SOX6: variants seen among roughly 807,000 people sequenced by gnomAD.
SOX6 encodes the protein transcription factor SOX-6.
A neutral mutation model predicts 97.8 loss-of-function variants in SOX6; 11 were observed. The observed-to-expected ratio is 0.11, with a 90% confidence interval of 0.07 to 0.19. The LOEUF (loss-of-function observed/expected upper bound fraction) is 0.19, where lower values mean the gene tolerates loss of function less well. SOX6 is among the 10% of genes least tolerant of loss of function. The pLI is 1.00. For missense variants in SOX6, 810 were observed against 1,039.5 expected, an observed-to-expected ratio of 0.78 and a Z score of 3.04; for synonymous variants, 360 against 371.4, an observed-to-expected ratio of 0.97 and a Z score of 0.35.
At chr11:16,103,254 C>A (rs985235043) in intron 7 of SOX6, among the ~76,000 whole-genome samples, 1 of 151,462 alleles carries the variant, frequency 6.6e-6, no homozygotes, top group Non-Finnish European at 1.5e-5. Flanking sequence ...CACAAATGGC[C>A]AATGATCATA....
chr11:16,306,827 T>C (rs1475881318), intron 3 of SOX6, among the ~76,000 whole-genome samples: 1 of 151,970 alleles, frequency 6.6e-6, no homozygotes, highest in Non-Finnish European at 1.5e-5. Context: ...GGTTTCACCA[T>C]GTTGGTCAGG....
At chr11:16,232,515 A>G (rs1852884198) in intron 4 of SOX6, among the ~76,000 whole-genome samples, 2 of 152,054 alleles carry the variant, frequency 1.3e-5, no homozygotes, top group South Asian at 4.1e-4. Flanking sequence ...CACTTTTGTG[A>G]TTTATACATT....
At chr11:16,479,535 A>G (rs1330911084), upstream of SOX6, among the ~76,000 whole-genome samples, 1 of 152,008 alleles carries the variant, frequency 6.6e-6, no homozygotes, top group Non-Finnish European at 1.5e-5. Flanking sequence ...GTCTTAAAAA[A>G]AAAAAAAAAA....
intron 9 of SOX6, among the ~76,000 whole-genome samples, chr11:16,094,510 C>A (rs1170770471): frequency 6.6e-6 from 1 of 151,914 alleles, no homozygotes; most frequent in Non-Finnish European, 1.5e-5. Flanking sequence ...AAAAGTCCAG[C>A]AGGAGAGGAA....
At chr11:16,046,945 C>G (rs1444964933) in intron 11 of SOX6, among the ~76,000 whole-genome samples, 1 of 152,160 alleles carries the variant, frequency 6.6e-6, no homozygotes, top group Non-Finnish European at 1.5e-5. Context: ...GTCTACTCAC[C>G]TCCTCACAGA....
chr11:16,128,103 C>T (rs1345855871), intron 6 of SOX6, among the ~76,000 whole-genome samples: 1 of 152,116 alleles, frequency 6.6e-6, no homozygotes, highest in Admixed American at 6.6e-5. Flanking sequence ...AAAACTACAT[C>T]CTAGAAAAGC....
At chr11:16,045,048 A>G (rs1855787551) in intron 12 of SOX6, among the ~76,000 whole-genome samples, 1 of 152,162 alleles carries the variant, frequency 6.6e-6, no homozygotes, top group African/African-American at 2.4e-5. Context: ...GTTCCAAAGC[A>G]AAATAAAGTT....
intron 1 of SOX6, among the ~76,000 whole-genome samples, chr11:16,442,540 C>T (rs1199503583): frequency 1.3e-5 from 2 of 152,102 alleles, no homozygotes; most frequent in South Asian, 2.1e-4. Flanking sequence ...TATATAAATA[C>T]AAATTATTAA....
chr11:16,599,589 A>G (rs1294931671), intron 4 of SOX6, among the ~76,000 whole-genome samples: 2 of 152,192 alleles, frequency 1.3e-5, no homozygotes, highest in Non-Finnish European at 2.9e-5. Flanking sequence ...ATGCCACTAC[A>G]CATTTTCATG....
At chr11:16,026,560 C>T (rs993333806) in intron 12 of SOX6, among the ~76,000 whole-genome samples, 6 of 152,214 alleles carry the variant, frequency 3.9e-5, no homozygotes, top group Admixed American at 2.0e-4. Context: ...TTTTTGTCTG[C>T]AAGTAAAGTA....
intron 1 of SOX6, among the ~76,000 whole-genome samples, chr11:16,380,685 G>A (rs1431005728): frequency 1.3e-5 from 2 of 152,056 alleles, no homozygotes; most frequent in Non-Finnish European, 2.9e-5. Context: ...TTAATTTAAT[G>A]ATGAAACCAC....
At chr11:16,514,353 C>T (rs1860929511) in intron 4 of SOX6, among the ~76,000 whole-genome samples, 1 of 151,952 alleles carries the variant, frequency 6.6e-6, no homozygotes. Context: ...TAGGTCAGCC[C>T]AAAAGAAAAC....
At chr11:16,183,247 C>A (rs768304244) in intron 6 of SOX6, among the ~76,000 whole-genome samples, 4 of 151,956 alleles carry the variant, frequency 2.6e-5, no homozygotes, top group African/African-American at 9.7e-5. Context: ...ATCACCTTTC[C>A]TCCCCAGATC....
intron 9 of SOX6, among the ~76,000 whole-genome samples, chr11:16,059,027 C>T (rs766586642): frequency 6.6e-6 from 1 of 152,076 alleles, no homozygotes; most frequent in Non-Finnish European, 1.5e-5. Flanking sequence ...AGAGGTTCAG[C>T]TCCCAACTGG....
intron 1 of SOX6, chr11:16,736,601 T>TA (rs1848392810): frequency 6.6e-6 from 1 of 152,214 alleles, no homozygotes; most frequent in Admixed American, 6.5e-5. Flanking sequence ...AGAAATCTTT[T>TA]AGCAGTCTAA....
chr11:16,291,363 G>GAATAAATAAATAAATAAATAAATAAATA (rs138094110), intron 3 of SOX6, among the ~76,000 whole-genome samples: 23 of 148,130 alleles, frequency 1.6e-4, no homozygotes, highest in Non-Finnish European at 2.7e-4. Context: ...TATAATGAAT[G>GAATAAATAAATAAATAAATAAATAAATA]AATAAATAAA....
intron 4 of SOX6, among the ~76,000 whole-genome samples, chr11:16,532,091 A>G (rs955884040): frequency 1.3e-5 from 2 of 151,794 alleles, no homozygotes; most frequent in African/African-American, 2.4e-5. Context: ...TTATTTTCCT[A>G]TATGTGGTAT....
chr11:16,289,206 T>C (rs1284811039), intron 3 of SOX6, among the ~76,000 whole-genome samples: 1 of 152,084 alleles, frequency 6.6e-6, no homozygotes, highest in Admixed American at 6.6e-5. Flanking sequence ...AAGGTTAAGA[T>C]TTTTCTTAAC....
chr11:16,301,603 T>C (rs1305327967), intron 3 of SOX6, among the ~76,000 whole-genome samples: 1 of 152,130 alleles, frequency 6.6e-6, no homozygotes, highest in African/African-American at 2.4e-5. Flanking sequence ...CAAAATTAAT[T>C]GAGTTCATCT....
Sources: gnomAD v4.1 joint callset for allele counts (sites outside exome capture counted in the v4.1 genomes callset) on GRCh38, gnomAD v4.1.1 for gene constraint, MANE v1.5 for transcripts, NCBI Gene and HGNC (gene_info 2026-07-23, HGNC 2026-07-21) for gene names.